Variants in NAV3 observed in about 807,000 individuals in gnomAD.
NAV3 encodes the protein pore membrane and/or filament interacting like protein 1.
A neutral mutation model predicts 244.7 loss-of-function variants in NAV3; 87 were observed. The observed-to-expected ratio is 0.36, with a 90% CI of 0.30 to 0.42. NAV3 has a LOEUF of 0.42. Among genes scored for constraint, NAV3 ranks in the 20% least tolerant of loss-of-function variants. NAV3 has a pLI of 1.00. For synonymous variants in NAV3, 1,126 were observed against 1,042.2 expected (o/e 1.08, Z -1.55); for missense variants, 2,663 against 2,893.3 (o/e 0.92, Z 1.83).
At chr12:78,173,944 C>A (rs894246117) in intron 24 of NAV3, among the ~76,000 whole-genome samples, 15 of 151,618 alleles carry the variant, frequency 9.9e-5, no homozygotes, top group Non-Finnish European at 8.9e-5. Context: ...GTTTTGAAAG[C>A]AACCAGTTAT....
At chr12:77,935,923 G>A (rs1489509509) in intron 1 of NAV3, among the ~76,000 whole-genome samples, 1 of 152,166 alleles carries the variant, frequency 6.6e-6, no homozygotes, top group African/African-American at 2.4e-5. Context: ...AGCAAGGGAA[G>A]AAGTCTGCCC....
At chr12:78,043,131 G>A (rs1881172525) in intron 9 of NAV3, among the ~76,000 whole-genome samples, 1 of 151,818 alleles carries the variant, frequency 6.6e-6, no homozygotes, top group Admixed American at 6.6e-5. Context: ...TCCCCTTCCT[G>A]TGTCCATGTG....
At chr12:77,761,394 C>A (rs116752359) in intron 2 of NAV3, among the ~76,000 whole-genome samples, 1 of 152,166 alleles carries the variant, frequency 6.6e-6, no homozygotes, top group African/African-American at 2.4e-5. Flanking sequence ...CACAGTTCAG[C>A]TGCTATCTCC....
chr12:78,001,856 A>G (rs1873365241), intron 7 of NAV3, among the ~76,000 whole-genome samples: 1 of 152,210 alleles, frequency 6.6e-6, no homozygotes, highest in Non-Finnish European at 1.5e-5. Context: ...CATCATTTGT[A>G]AAGCATTTCT....
chr12:77,574,664 G>T (rs1592465303), intron 2 of NAV3, among the ~76,000 whole-genome samples: 1 of 152,082 alleles, frequency 6.6e-6, no homozygotes, highest in Admixed American at 6.6e-5. Context: ...CACATTCAAA[G>T]CAAGGTACAT....
At chr12:77,684,131 A>G (rs918311565) in intron 2 of NAV3, among the ~76,000 whole-genome samples, 1 of 152,150 alleles carries the variant, frequency 6.6e-6, no homozygotes. Context: ...TAGCCATTCT[A>G]ATGAGTGTGA....
Position 78,198,666 on chromosome 12 carries a change from C to T in NAV3, c.6508C>T (p.His2170Tyr). The T allele has an allele frequency of 6.4e-7, 1 of 1,562,084 alleles. No individual in the cohort carries two copies. The highest frequency in any genetic ancestry group is 1.1e-5 in the South Asian group (1 of 87,322). The change falls in exon 36 of 40, where the codon CAC becomes TAC. Residue 2170 changes from histidine to tyrosine, a missense_variant. Physicochemically the swap from His to Tyr is moderately conservative, Grantham distance 83. This residue lies in a region of NAV3 where 543 missense variants were observed against 672.4 expected (regional missense o/e 0.81). Coordinates refer to ENST00000397909, the MANE Select transcript of NAV3 (RefSeq NM_001024383.2). Reference sequence around the variant, plus strand: ...TTCATCACCAAATCTAGAGCTGCATCACAATTTCAGGTAAAGTTAAGTTGA... The same window carrying T: ...TTCATCACCAAATCTAGAGCTGCATTACAATTTCAGGTAAAGTTAAGTTGA... ...VSSSPNLELH[H>Y]NFRWVLCANH... is the part of the protein sequence containing the mutation.
rs1034426920 is a variant in NAV3, at chr12:77,708,521, G to A, written c.72+136255G>A. On this transcript the variant is annotated intron_variant, in intron 2 of 8. Transcript: ENST00000550042. ...CCTCCAGCTTTGTTCTTTTGGCTTA[G>A]GATTGTCTTGGCAATGTGGGCTCTT... Among the ~76,000 whole-genome samples, 22 of 152,286 alleles carry A rather than the reference G, an allele frequency of 1.4e-4. No individual in the cohort carries two copies. In the East Asian group the frequency reaches 3.3e-3, roughly 23 times the overall value.
At chr12:78,107,597 A>G (rs546148264) in intron 12 of NAV3, among the ~76,000 whole-genome samples, 4 of 152,232 alleles carry the variant, frequency 2.6e-5, no homozygotes, top group Admixed American at 6.5e-5. Flanking sequence ...AATATATTCA[A>G]AGTGCTTAAA....
intron 21 of NAV3, among the ~76,000 whole-genome samples, chr12:78,147,407 A>T (rs941944383): frequency 3.9e-5 from 6 of 152,202 alleles, no homozygotes; most frequent in Middle Eastern, 3.4e-3. Context: ...GTTTAAAAAA[A>T]CAATTTCAAT....
At chr12:78,114,516 A>G (rs1304108179) in intron 12 of NAV3, among the ~76,000 whole-genome samples, 1 of 152,214 alleles carries the variant, frequency 6.6e-6, no homozygotes, top group East Asian at 1.9e-4. Context: ...ACATGGTGGC[A>G]GGGAGAAGAA....
chr12:77,746,159 G>C (rs1008450763), intron 2 of NAV3, among the ~76,000 whole-genome samples: 1 of 152,082 alleles, frequency 6.6e-6, no homozygotes, highest in Non-Finnish European at 1.5e-5. Context: ...ACTCTGAGCT[G>C]TGTACTTTAC....
chr12:77,842,785 G>A (rs867127384), intron 1 of NAV3, among the ~76,000 whole-genome samples: 30 of 152,076 alleles, frequency 2.0e-4, no homozygotes, highest in African/African-American at 6.5e-4. Context: ...ATATTACACC[G>A]AACAATCTCT....
At position 77,831,516 on chromosome 12, in the gene NAV3, C is replaced by A. The variant is rs745652673; in HGVS notation, c.55C>A (p.Pro19Thr). The change falls in exon 1 of 40, where the codon CCT becomes ACT. Residue 19 changes from proline to threonine, a missense_variant. Physicochemically the swap from Pro to Thr is conservative, Grantham distance 38 (BLOSUM62 -1). Coordinates refer to ENST00000397909, the MANE Select transcript of NAV3 (RefSeq NM_001024383.2). ...KLRQPAVGSK[P>T]VHTALPIPNL... is the part of the protein sequence containing the mutation. ...GAGGCAGCCAGCTGTTGGGTCAAAG[C>A]CTGTGCATACTGCTCTTCCGATACC... 11 of 1,613,844 alleles carry A rather than the reference C, an allele frequency of 6.8e-6. No homozygotes were observed. In the South Asian group the frequency reaches 1.2e-4, roughly 18 times the overall value.
chr12:77,919,949 A>G (rs146061370), intron 1 of NAV3, among the ~76,000 whole-genome samples: 352 of 152,112 alleles, frequency 2.3e-3, no homozygotes, highest in African/African-American at 7.7e-3. Context: ...AGAAGACTGA[A>G]TTATCACTTA....
intron 1 of NAV3, among the ~76,000 whole-genome samples, chr12:77,895,280 A>T (rs1013283962): frequency 3.3e-5 from 5 of 151,118 alleles, no homozygotes; most frequent in Admixed American, 1.3e-4. Context: ...GTCAAAGGAC[A>T]TTTTAATTTT....
In NAV3 at chr12:77,650,896, C is replaced by T. The variant is rs181553388; in HGVS notation, c.72+78630C>T. Among the ~76,000 whole-genome samples, 6 of 152,202 alleles carry T rather than the reference C, an allele frequency of 3.9e-5. No individual in the cohort carries two copies. In the East Asian group the frequency reaches 7.7e-4, roughly 20 times the overall value. ...ATGAAGATACTGATAATGATAGGAA[C>T]AGCTTCAAAGCTCTCTACCTTGCTT... On this transcript the variant is annotated intron_variant, in intron 2 of 8. Coordinates refer to the NAV3 transcript ENST00000550042.
chr12:78,082,694 C>T (rs1026762774), intron 12 of NAV3, among the ~76,000 whole-genome samples: 1 of 152,134 alleles, frequency 6.6e-6, no homozygotes, highest in Non-Finnish European at 1.5e-5. Context: ...ACCCTACAAA[C>T]TTATAACCCT....
At chr12:77,789,639 G>A (rs768840977) in intron 2 of NAV3, among the ~76,000 whole-genome samples, 8 of 151,696 alleles carry the variant, frequency 5.3e-5, no homozygotes, top group South Asian at 4.2e-4. Flanking sequence ...ATGAAGCCCC[G>A]TCTCTACTAA....
Sources: gnomAD v4.1 joint callset for allele counts (sites outside exome capture counted in the v4.1 genomes callset) on GRCh38, gnomAD v4.1.1 for gene constraint, gnomAD v4.1.1 regional missense constraint, MANE v1.5 for transcripts, NCBI Gene and HGNC (gene_info 2026-07-23, HGNC 2026-07-21) for gene names.